The following PTH2R variants were observed in gnomAD, a reference collection of about 807,000 sequenced individuals.
PTH2R encodes parathyroid hormone 2 receptor, also known as PTH2 receptor.
Under a neutral mutation model 60.3 loss-of-function variants are expected in PTH2R, and 59 were observed. The ratio of observed to expected loss-of-function variants is 0.98; its 90% CI spans 0.79 to 1.22. The LOEUF (loss-of-function observed/expected upper bound fraction) is 1.22. PTH2R is among the 50% of genes most tolerant of loss of function. The probability of loss-of-function intolerance (pLI) is 0.00; values close to 1 mark genes in which losing one functional copy is unlikely to be tolerated. For missense variants in PTH2R, 749 were observed against 682.6 expected (o/e 1.10, Z -1.08); for synonymous variants, 256 against 243.8 (o/e 1.05, Z -0.47).
intron 2 of PTH2R, among the ~76,000 whole-genome samples, chr2:208,433,802 A>C (rs570259235): frequency 3.3e-4 from 50 of 152,364 alleles, no homozygotes; most frequent in Non-Finnish European, 6.2e-4. Context: ...ACGTTCTCCA[A>C]ATTTTAGATT....
intron 1 of PTH2R, among the ~76,000 whole-genome samples, chr2:208,397,967 C>T (rs1254611817): frequency 6.6e-6 from 1 of 152,186 alleles, no homozygotes; most frequent in Non-Finnish European, 1.5e-5. Flanking sequence ...AAATAAACTT[C>T]CCAAGGACCC....
intron 1 of PTH2R, among the ~76,000 whole-genome samples, chr2:208,417,302 G>A (rs1701658931): frequency 6.6e-6 from 1 of 152,096 alleles, no homozygotes. Context: ...CCTGGAAGCC[G>A]AGTAACTAGG....
intron 2 of PTH2R, among the ~76,000 whole-genome samples, chr2:208,434,030 T>G (rs1702024158): frequency 6.6e-6 from 1 of 152,196 alleles, no homozygotes; most frequent in Admixed American, 6.5e-5. Flanking sequence ...ACCTCTATTT[T>G]TGGCCAGGCG....
chr2:208,464,637 G>A (rs894222304), intron 9 of PTH2R, among the ~76,000 whole-genome samples: 1 of 152,176 alleles, frequency 6.6e-6, no homozygotes, highest in Non-Finnish European at 1.5e-5. Context: ...CTGCCCTTCT[G>A]TTGAATGTGC....
upstream of PTH2R, among the ~76,000 whole-genome samples, chr2:208,406,279 G>A (rs543792191): frequency 8.6e-5 from 13 of 152,004 alleles, no homozygotes; most frequent in South Asian, 2.5e-3. Flanking sequence ...TTTTTTTAAT[G>A]CCAGGATTCA....
exon 1 of PTH2R, chr2:208,360,168 T>A (rs947439869): frequency 2.2e-6 from 1 of 454,584 alleles, no homozygotes; most frequent in Non-Finnish European, 4.4e-6. Context: ...TAGTGCTTTT[T>A]CTTTTCTCTT....
At chr2:208,418,636 T>A (rs1204347123) in intron 1 of PTH2R, among the ~76,000 whole-genome samples, 1 of 152,128 alleles carries the variant, frequency 6.6e-6, no homozygotes, top group Non-Finnish European at 1.5e-5. Flanking sequence ...AATGAGGTAG[T>A]TAGAAATATT....
At chr2:208,373,372 G>A (rs1387474604) in intron 1 of PTH2R, among the ~76,000 whole-genome samples, 1 of 152,020 alleles carries the variant, frequency 6.6e-6, no homozygotes, top group Non-Finnish European at 1.5e-5. Context: ...CTGTAGTAAT[G>A]TCCCTTAGTG....
At chr2:208,410,261 G>T (rs1398238113) in intron 1 of PTH2R, among the ~76,000 whole-genome samples, 3 of 152,180 alleles carry the variant, frequency 2.0e-5, no homozygotes, top group African/African-American at 7.2e-5. Flanking sequence ...AACTTTATGA[G>T]ATGGGCACTG....
At chr2:208,407,161 C>T (rs781225847) in intron 1 of PTH2R, 43 bp downstream of exon 1, 76 of 1,391,658 alleles carry the variant, frequency 5.5e-5, no homozygotes, top group Admixed American at 1.2e-4. Context: ...GCGGAGCCTC[C>T]GGCGGGGACT....
chr2:208,422,553 A>G (rs1701777521), intron 1 of PTH2R, among the ~76,000 whole-genome samples: 1 of 152,232 alleles, frequency 6.6e-6, no homozygotes, highest in Admixed American at 6.5e-5. Flanking sequence ...AAATAATCAT[A>G]TCTAAAACAT....
chr2:208,434,244 C>T (rs979438608), intron 2 of PTH2R, among the ~76,000 whole-genome samples: 12 of 151,538 alleles, frequency 7.9e-5, no homozygotes, highest in South Asian at 6.3e-4. Flanking sequence ...ACTCGGGAGG[C>T]GGAGGTTGCA....
chr2:208,385,235 T>TA (rs1700981373), intron 1 of PTH2R, among the ~76,000 whole-genome samples: 1 of 152,166 alleles, frequency 6.6e-6, no homozygotes, highest in African/African-American at 2.4e-5. Flanking sequence ...TATGATGATT[T>TA]AAAAAATGGC....
At chr2:208,372,553 A>G (rs561257222) in intron 1 of PTH2R, among the ~76,000 whole-genome samples, 4 of 152,230 alleles carry the variant, frequency 2.6e-5, no homozygotes, top group East Asian at 1.9e-4. Context: ...GTTAAGTAAT[A>G]TACTATTTGT....
chr2:208,365,947 TATATATATATATA>T (rs1395501303), intron 1 of PTH2R, among the ~76,000 whole-genome samples: 48 of 19,796 alleles, frequency 2.4e-3, no homozygotes, highest in African/African-American at 6.8e-3. Flanking sequence ...TATATATATA[TATATATATATATA>T]TTTTTTTTTT....
chr2:208,422,483 G>T (rs968799627), intron 1 of PTH2R, among the ~76,000 whole-genome samples: 1 of 152,082 alleles, frequency 6.6e-6, no homozygotes, highest in African/African-American at 2.4e-5. Flanking sequence ...CTTTCCAAGA[G>T]AATATTATAT....
intron 9 of PTH2R, among the ~76,000 whole-genome samples, chr2:208,480,832 C>A (rs1703130300): frequency 6.6e-6 from 1 of 152,180 alleles, no homozygotes; most frequent in South Asian, 2.1e-4. Flanking sequence ...TCCTGTGGAT[C>A]CCAGCAGATC....
chr2:208,407,591 C>T (rs569997413), intron 1 of PTH2R, among the ~76,000 whole-genome samples: 1 of 152,190 alleles, frequency 6.6e-6, no homozygotes, highest in South Asian at 2.1e-4. Context: ...GAATCACATA[C>T]ATTCAAGTTA....
chr2:208,428,366 A>C (rs1435542043), intron 2 of PTH2R, 63 bp downstream of exon 2: 1 of 1,168,988 alleles, frequency 8.6e-7, no homozygotes, highest in South Asian at 1.3e-5. Context: ...AAGATTGCAC[A>C]TTTCCCTCCT....
Sources: gnomAD v4.1 joint callset for allele counts (sites outside exome capture counted in the v4.1 genomes callset) on GRCh38, gnomAD v4.1.1 for gene constraint, MANE v1.5 for transcripts, NCBI Gene and HGNC (gene_info 2026-07-23, HGNC 2026-07-21) for gene names.